Variants in PRKCE observed in about 807,000 individuals in gnomAD.
PRKCE encodes the protein protein kinase C epsilon type.
In PRKCE, 16 loss-of-function variants were observed where a neutral mutation model predicts 85.4. The observed-to-expected ratio is 0.19, with a 90% CI of 0.13 to 0.28. The LOEUF is 0.28. PRKCE is among the 10% of genes least tolerant of loss of function. PRKCE has a pLI of 1.00. For synonymous variants in PRKCE, 388 were observed against 371.5 expected (o/e 1.04, Z -0.51); for missense variants, 573 against 975.2 (o/e 0.59, Z 5.49).
chr2:46,060,611 C>T (rs575939445), intron 10 of PRKCE, among the ~76,000 whole-genome samples: 75 of 152,242 alleles, frequency 4.9e-4, no homozygotes, highest in East Asian at 9.6e-4. Context: ...AAAAGGGTCC[C>T]GGAAGAGTTC....
At chr2:45,768,107 TG>T (rs1324179833) in intron 1 of PRKCE, among the ~76,000 whole-genome samples, 1 of 152,190 alleles carries the variant, frequency 6.6e-6, no homozygotes, top group Non-Finnish European at 1.5e-5. Context: ...CCAGAGATCA[TG>T]GAGAAGAAAC....
At chr2:45,741,371 A>G (rs188314366) in intron 1 of PRKCE, among the ~76,000 whole-genome samples, 1 of 152,342 alleles carries the variant, frequency 6.6e-6, no homozygotes, top group Non-Finnish European at 1.5e-5. Flanking sequence ...TTCTGGCCTT[A>G]AAGTTGCATA....
chr2:46,147,914 T>G (rs1454097153), intron 12 of PRKCE, among the ~76,000 whole-genome samples: 1 of 152,214 alleles, frequency 6.6e-6, no homozygotes, highest in Non-Finnish European at 1.5e-5. Context: ...TTCTCATCTT[T>G]CACATGGGAG....
chr2:45,657,073 C>T (rs957377177), intron 1 of PRKCE, among the ~76,000 whole-genome samples: 1 of 152,098 alleles, frequency 6.6e-6, no homozygotes, highest in Admixed American at 6.5e-5. Context: ...CTAGCTGGCT[C>T]GTTCACATTT....
intron 11 of PRKCE, among the ~76,000 whole-genome samples, chr2:46,087,574 C>A (rs1669763578): frequency 4.6e-5 from 7 of 152,248 alleles, no homozygotes; most frequent in Admixed American, 2.0e-4. Context: ...AAAGTCCATA[C>A]TTCCTAGCCT....
intron 2 of PRKCE, among the ~76,000 whole-genome samples, chr2:45,898,949 C>T (rs372692462): frequency 3.3e-5 from 5 of 152,320 alleles, no homozygotes; most frequent in South Asian, 2.1e-4. Context: ...AGAAAGCAGC[C>T]CCCAATCTTC....
chr2:45,915,683 G>A (rs529917688), intron 2 of PRKCE, among the ~76,000 whole-genome samples: 2 of 152,322 alleles, frequency 1.3e-5, no homozygotes, highest in South Asian at 4.1e-4. Context: ...TAGCTCAGCA[G>A]AGCGTGGTGC....
At chr2:45,666,326 C>G (rs1032417026) in intron 1 of PRKCE, among the ~76,000 whole-genome samples, 7 of 151,920 alleles carry the variant, frequency 4.6e-5, no homozygotes, top group Admixed American at 4.6e-4. Context: ...ACTAAATACC[C>G]TTCCGGTTGC....
At chr2:46,111,605 G>C (rs1672262214) in intron 11 of PRKCE, among the ~76,000 whole-genome samples, 2 of 152,128 alleles carry the variant, frequency 1.3e-5, no homozygotes, top group South Asian at 4.1e-4. Flanking sequence ...ATGGTTATTT[G>C]TTACTGGCTT....
chr2:45,889,910 C>A (rs1695591193), intron 2 of PRKCE, among the ~76,000 whole-genome samples: 1 of 152,214 alleles, frequency 6.6e-6, no homozygotes, highest in Admixed American at 6.5e-5. Flanking sequence ...TACCCCTTCG[C>A]TCTTCTGTGC....
At position 46,028,123 on chromosome 2, in the gene PRKCE, G is replaced by C. The variant is rs142820980; in HGVS notation, c.1437+17606G>C. 3.4e-3 allele frequency among the ~76,000 whole-genome samples: 511 copies of C among 152,224 alleles called. 1 individual carries two copies. The highest frequency in any genetic ancestry group is 0.012 in the African/African-American group (492 of 41,536). On this transcript the variant is annotated intron_variant, in intron 10 of 14. Transcript: ENST00000306156. ...CACCCGGCTGACTTTTGTGTTTTTA[G>C]TAGAGACGGGGTTTTGCCATGCTGG...
At chr2:45,699,938 G>A (rs1052681175) in intron 1 of PRKCE, among the ~76,000 whole-genome samples, 1 of 151,794 alleles carries the variant, frequency 6.6e-6, no homozygotes, top group South Asian at 2.1e-4. Context: ...GGAGCTGAGG[G>A]GTGCAGGGGG....
chr2:45,873,042 G>C lies in PRKCE; in HGVS notation c.412+29979G>C, dbSNP rs552969756. Among the ~76,000 whole-genome samples the C allele has an allele frequency of 1.0e-3, 153 of 152,322 alleles. 1 individual carries two copies. In the Middle Eastern group the frequency reaches 0.01, roughly 10 times the overall value. On this transcript the variant is annotated intron_variant, in intron 2 of 14. Transcript: ENST00000306156. ...AAAGGGATATACATTGAGTCAGCTGGAAAGTCTGAACTAGAGCCCAGGTCT... is the reference window on the plus strand; with the variant it reads ...AAAGGGATATACATTGAGTCAGCTGCAAAGTCTGAACTAGAGCCCAGGTCT...
At chr2:45,967,582 A>G (rs1562650) in intron 2 of PRKCE, among the ~76,000 whole-genome samples, 124,389 of 152,180 alleles carry the variant, frequency 0.82, 51,409 homozygotes, top group East Asian at 0.97. Context: ...AGAATTTAGG[A>G]CTGCCCCAAG....
intron 1 of PRKCE, among the ~76,000 whole-genome samples, chr2:45,811,151 G>A (rs1230297257): frequency 6.6e-6 from 1 of 152,178 alleles, no homozygotes; most frequent in Non-Finnish European, 1.5e-5. Context: ...AGGAGAAGGG[G>A]AATACAGATA....
intron 10 of PRKCE, among the ~76,000 whole-genome samples, chr2:46,024,551 G>T (rs924857310): frequency 7.9e-5 from 12 of 152,246 alleles, no homozygotes; most frequent in Admixed American, 3.9e-4. Flanking sequence ...GAACACTTGT[G>T]TGCGGGTTGC....
chr2:45,769,166 G>A (rs190619772), intron 1 of PRKCE, among the ~76,000 whole-genome samples: 1 of 152,298 alleles, frequency 6.6e-6, no homozygotes, highest in East Asian at 1.9e-4. Context: ...TTTGTTCTGT[G>A]TGGGAGCCAG....
intron 1 of PRKCE, among the ~76,000 whole-genome samples, chr2:45,718,960 C>T (rs1016966757): frequency 6.6e-6 from 1 of 152,200 alleles, no homozygotes; most frequent in African/African-American, 2.4e-5. Context: ...TTTATCAGAG[C>T]CTTTAATATG....
chr2:45,816,893 C>G lies in PRKCE; in HGVS notation c.349-26107C>G, dbSNP rs150780354. ...TTTTGGTACAGCTCTTTTAAAGAGA[C>G]CCCCTGCTCGGGGGTTTTGTGAGGA... On this transcript the variant is annotated intron_variant, in intron 1 of 14. Transcript: ENST00000306156. Among the ~76,000 whole-genome samples, 810 of 152,198 alleles carry G rather than the reference C, an allele frequency of 5.3e-3. 9 individuals are homozygous for G. Among genetic ancestry groups the G allele is most frequent in the African/African-American group, 0.019 (786 of 41,524 alleles).
Sources: gnomAD v4.1 joint callset for allele counts (sites outside exome capture counted in the v4.1 genomes callset) on GRCh38, gnomAD v4.1.1 for gene constraint, MANE v1.5 for transcripts, NCBI Gene and HGNC (gene_info 2026-07-23, HGNC 2026-07-21) for gene names.